Variants in TCERG1L observed in about 807,000 individuals in gnomAD.
TCERG1L encodes transcription elongation regulator 1-like protein.
A neutral mutation model predicts 56.3 loss-of-function variants in TCERG1L; 37 were observed. That is an observed-to-expected ratio of 0.66 (90% CI 0.51 to 0.87). The LOEUF (loss-of-function observed/expected upper bound fraction) is 0.87, where lower values mean the gene tolerates loss of function less well. Ranked by LOEUF, TCERG1L falls within the 40% of genes least tolerant of loss-of-function variation. The pLI, the probability that TCERG1L is intolerant of heterozygous loss-of-function variation, is 0.00. For missense variants in TCERG1L, 799 were observed against 774.2 expected (o/e 1.03, Z -0.38); for synonymous variants, 324 against 326.3 (o/e 0.99, Z 0.08).
chr10:131,232,252 C>T (rs1056190444), intron 4 of TCERG1L, among the ~76,000 whole-genome samples: 13 of 152,190 alleles, frequency 8.5e-5, no homozygotes, highest in African/African-American at 2.9e-4. Flanking sequence ...GGTGAGTGAC[C>T]CCATCACTCC....
intron 4 of TCERG1L, among the ~76,000 whole-genome samples, chr10:131,198,417 G>A (rs4751344): frequency 0.17 from 26,163 of 152,310 alleles, 2,801 homozygotes; most frequent in South Asian, 0.37. Flanking sequence ...AAGACAGAGC[G>A]TCTGGCCCAC....
intron 4 of TCERG1L, among the ~76,000 whole-genome samples, chr10:131,218,985 C>T (rs1845702694): frequency 6.6e-6 from 1 of 152,176 alleles, no homozygotes; most frequent in Non-Finnish European, 1.5e-5. Flanking sequence ...GCCAGGGCAC[C>T]AGCCACTGTC....
chr10:131,122,549 C>T (rs1181324970), intron 8 of TCERG1L, among the ~76,000 whole-genome samples: 18 of 152,232 alleles, frequency 1.2e-4, no homozygotes, highest in Admixed American at 1.2e-3. Context: ...GGCAGCAAGA[C>T]AAATGCAGAC....
At chr10:131,168,409 T>C (rs1846054119) in intron 4 of TCERG1L, among the ~76,000 whole-genome samples, 1 of 152,186 alleles carries the variant, frequency 6.6e-6, no homozygotes, top group Non-Finnish European at 1.5e-5. Flanking sequence ...CCTGTCTGGC[T>C]TGCGGCTGCA....
chr10:131,224,369 C>A (rs1001225080), intron 4 of TCERG1L, among the ~76,000 whole-genome samples: 9 of 151,956 alleles, frequency 5.9e-5, no homozygotes, highest in African/African-American at 2.2e-4. Flanking sequence ...CTGCCTCCTG[C>A]ACTCTGGCCT....
intron 4 of TCERG1L, among the ~76,000 whole-genome samples, chr10:131,235,411 AG>A (rs1369990969): frequency 5.9e-5 from 9 of 152,322 alleles, no homozygotes; most frequent in African/African-American, 2.2e-4. Context: ...TAAAAGGAAG[AG>A]GGGTGTCATT....
intron 4 of TCERG1L, 47 bp from the exon 5 acceptor site, chr10:131,166,932 G>C: frequency 6.4e-7 from 1 of 1,558,276 alleles, no homozygotes. Flanking sequence ...TGTCACAGTA[G>C]TTTGGAAAAC....
At chr10:131,307,608 T>A (rs1846829310) in intron 3 of TCERG1L, among the ~76,000 whole-genome samples, 1 of 152,224 alleles carries the variant, frequency 6.6e-6, no homozygotes, top group Non-Finnish European at 1.5e-5. Flanking sequence ...CATAAGATGA[T>A]TATATTCCCC....
chr10:131,147,111 G>C (rs1589728170), intron 6 of TCERG1L, among the ~76,000 whole-genome samples: 2 of 152,104 alleles, frequency 1.3e-5, no homozygotes, highest in East Asian at 1.9e-4. Context: ...CAATGCGCAC[G>C]GCCACAGGTC....
chr10:131,144,946 CCCTA>C (rs1433225315), intron 7 of TCERG1L, among the ~76,000 whole-genome samples: 1 of 152,194 alleles, frequency 6.6e-6, no homozygotes, highest in African/African-American at 2.4e-5. Flanking sequence ...GCAGATGCCT[CCCTA>C]CCTCTTTTCA....
At chr10:131,241,192 C>T (rs904185406) in intron 4 of TCERG1L, among the ~76,000 whole-genome samples, 1 of 151,956 alleles carries the variant, frequency 6.6e-6, no homozygotes, top group Non-Finnish European at 1.5e-5. Flanking sequence ...GGGTGGAGGG[C>T]GGTGGAGAAC....
intron 3 of TCERG1L, among the ~76,000 whole-genome samples, chr10:131,284,514 C>T (rs959669433): frequency 6.6e-6 from 1 of 151,662 alleles, no homozygotes; most frequent in East Asian, 1.9e-4. Context: ...AAAAACAACA[C>T]ATCTGAAGAA....
intron 6 of TCERG1L, among the ~76,000 whole-genome samples, chr10:131,158,381 T>G (rs1417938455): frequency 2.6e-5 from 4 of 152,256 alleles, no homozygotes; most frequent in Non-Finnish European, 5.9e-5. Context: ...TTATTCAGTC[T>G]GCTGTCTTCT....
At position 131,118,295 on chromosome 10, in the gene TCERG1L, C is replaced by T. The variant is rs964173632; in HGVS notation, c.1260-1361G>A. ...TGGCATGTACATCTAAAGGCATGGG[C>T]CTTACCCGCTCCTTTCAAAACCAGC... On this transcript the variant is annotated intron_variant, in intron 8 of 11. Coordinates refer to ENST00000368642, the MANE Select transcript of TCERG1L (RefSeq NM_174937.4). This position sits in a 1 kb window ranked among gnomAD's most constrained non-coding sequence, Gnocchi z 4.2. 2.0e-5 allele frequency among the ~76,000 whole-genome samples: 3 copies of T among 152,196 alleles called. No individual in the cohort carries two copies. In the East Asian group the frequency reaches 5.8e-4, roughly 29 times the overall value.
intron 8 of TCERG1L, among the ~76,000 whole-genome samples, chr10:131,123,456 A>G (rs1465090353): frequency 4.6e-5 from 7 of 152,116 alleles, no homozygotes; most frequent in Admixed American, 4.6e-4. Flanking sequence ...AGCTATACAA[A>G]GGCCCTAAGG....
intron 9 of TCERG1L, among the ~76,000 whole-genome samples, chr10:131,104,912 T>C (rs1371704367): frequency 6.6e-6 from 1 of 152,274 alleles, no homozygotes. Context: ...ATTAGTAGGC[T>C]AGATTCGTCA....
At chr10:131,093,602 G>T (rs1360103713) in intron 11 of TCERG1L, among the ~76,000 whole-genome samples, 2 of 152,174 alleles carry the variant, frequency 1.3e-5, no homozygotes, top group Non-Finnish European at 2.9e-5. Context: ...GTCTCATGCA[G>T]CTGTCACTCC....
At chr10:131,274,894 T>C (rs2133556733) in intron 3 of TCERG1L, among the ~76,000 whole-genome samples, 1 of 152,296 alleles carries the variant, frequency 6.6e-6, no homozygotes, top group East Asian at 1.9e-4. Flanking sequence ...GCAGTTTGGA[T>C]TGTCACATCA....
intron 4 of TCERG1L, among the ~76,000 whole-genome samples, chr10:131,208,730 A>C (rs1589749408): frequency 6.6e-6 from 1 of 152,188 alleles, no homozygotes; most frequent in African/African-American, 2.4e-5. Context: ...AGAATTTCAC[A>C]TCTCACCTCA....
Sources: allele counts gnomAD v4.1 joint callset (sites outside exome capture counted in the v4.1 genomes callset), GRCh38; gene constraint gnomAD v4.1.1; non-coding constraint Gnocchi (gnomAD v3.1); transcripts MANE v1.5; gene names NCBI Gene and HGNC (gene_info 2026-07-23, HGNC 2026-07-21).